ARHGAP32: variants seen among roughly 807,000 people sequenced by gnomAD.
ARHGAP32 encodes the protein Rho GTPase activating protein 32.
In ARHGAP32, 51 loss-of-function variants were observed where a neutral mutation model predicts 186.5. That is an observed-to-expected ratio of 0.27 (90% CI 0.22 to 0.35). The LOEUF (loss-of-function observed/expected upper bound fraction) is 0.35, where lower values mean the gene tolerates loss of function less well. ARHGAP32 is among the 10% of genes least tolerant of loss of function. The pLI is 1.00. For missense variants in ARHGAP32, 2,186 were observed against 2,623.5 expected (o/e 0.83, Z 3.64); for synonymous variants, 950 against 964.3 (o/e 0.99, Z 0.27).
At chr11:129,256,486 G>A (rs555047039) in intron 1 of ARHGAP32, among the ~76,000 whole-genome samples, 14 of 152,040 alleles carry the variant, frequency 9.2e-5, no homozygotes, top group African/African-American at 3.1e-4. Flanking sequence ...AGATGAAGCC[G>A]GGGACTTAAA....
At chr11:129,039,807 C>T (rs914443057) in intron 11 of ARHGAP32, among the ~76,000 whole-genome samples, 3 of 152,116 alleles carry the variant, frequency 2.0e-5, no homozygotes, top group African/African-American at 7.2e-5. Flanking sequence ...ATTTACCAAA[C>T]AAGTACCCAC....
chr11:129,248,374 AGT>A (rs1159356396), intron 1 of ARHGAP32, among the ~76,000 whole-genome samples: 1 of 152,178 alleles, frequency 6.6e-6, no homozygotes, highest in East Asian at 1.9e-4. Context: ...GATGCGATGC[AGT>A]GTTTTTATTT....
intron 6 of ARHGAP32, among the ~76,000 whole-genome samples, chr11:129,071,308 C>T (rs930764333): frequency 1.3e-5 from 2 of 151,612 alleles, no homozygotes; most frequent in African/African-American, 2.4e-5. Context: ...AAAAATACAT[C>T]TTATAAGGGG....
At chr11:129,097,590 T>A (rs976404589) in intron 5 of ARHGAP32, among the ~76,000 whole-genome samples, 9 of 151,898 alleles carry the variant, frequency 5.9e-5, no homozygotes, top group African/African-American at 1.9e-4. Flanking sequence ...ATTAGTTAAC[T>A]TAAAGATAAG....
intron 12 of ARHGAP32, among the ~76,000 whole-genome samples, chr11:128,996,638 A>T (rs1039047149): frequency 6.6e-6 from 1 of 152,214 alleles, no homozygotes; most frequent in African/African-American, 2.4e-5. Flanking sequence ...AGTATGTATT[A>T]TAAATAGCTC....
At chr11:128,972,074 T>C (rs1207512144) in intron 22 of ARHGAP32, 1 of 157,522 alleles carries the variant, frequency 6.3e-6, no homozygotes, top group East Asian at 1.9e-4. Flanking sequence ...GGTAAATGAC[T>C]TGCCCAAAGT....
intron 5 of ARHGAP32, among the ~76,000 whole-genome samples, chr11:129,115,381 G>A (rs1942338248): frequency 2.0e-5 from 3 of 152,196 alleles, no homozygotes; most frequent in Non-Finnish European, 4.4e-5. Context: ...GATTTACCAG[G>A]AAAAAGCTAG....
chr11:129,038,553 T>G (rs976921987), intron 11 of ARHGAP32, among the ~76,000 whole-genome samples: 6 of 151,874 alleles, frequency 4.0e-5, no homozygotes, highest in African/African-American at 1.5e-4. Flanking sequence ...ATCATTATTA[T>G]CTGGTAAAGA....
chr11:129,245,589 T>TA (rs1347503571), intron 1 of ARHGAP32, among the ~76,000 whole-genome samples: 2 of 148,828 alleles, frequency 1.3e-5, no homozygotes, highest in East Asian at 2.0e-4. Flanking sequence ...CCCTAAAACT[T>TA]AAAGTATAAT....
chr11:129,213,637 AAT>A (rs1028480551), intron 1 of ARHGAP32, among the ~76,000 whole-genome samples: 1 of 150,668 alleles, frequency 6.6e-6, no homozygotes, highest in African/African-American at 2.4e-5. Flanking sequence ...ATGTAATATA[AAT>A]AGACAAAACT....
chr11:129,248,631 T>C (rs1174029566), intron 1 of ARHGAP32, among the ~76,000 whole-genome samples: 1 of 152,208 alleles, frequency 6.6e-6, no homozygotes, highest in East Asian at 1.9e-4. Context: ...AGATAAATAA[T>C]ACATATAAAC....
rs904396214 is a variant in ARHGAP32, at chr11:128,969,292, T to C, written c.5921A>G (p.Glu1974Gly). The C allele has an allele frequency of 2.5e-6, 4 of 1,614,106 alleles. No individual in the cohort carries two copies. The South Asian group carries it at 4.4e-5, about 18-fold the overall frequency. ...RPWVRQPSAP[E>G]KHSRDCYKEE... ...CTTGTAGCAGTCTCTGGAGTGTTTC[T>C]CTGGGGCAGAAGGCTGCCTAACCCA... The change falls in exon 23 of 23, where the codon GAG (glutamate) becomes GGG (glycine). Residue 1974 changes from glutamate (E) to glycine (G), a missense_variant. Glu to Gly is a moderately conservative substitution (Grantham distance 98, BLOSUM62 -2). Coordinates refer to ENST00000682385, the MANE Select transcript of ARHGAP32 (RefSeq NM_001378024.1). This position sits in a 1 kb window ranked among gnomAD's most constrained non-coding sequence, Gnocchi z 4.8.
At chr11:129,024,262 C>T (rs963321708) in intron 11 of ARHGAP32, 2 of 669,524 alleles carry the variant, frequency 3.0e-6, no homozygotes, top group East Asian at 2.7e-4. Context: ...AGAGCTCCAC[C>T]CATCAACCCC....
At position 128,986,521 on chromosome 11, in the gene ARHGAP32, C is replaced by T; in HGVS notation, c.1443+3G>A. On this transcript the variant is annotated splice_donor_region_variant and intron_variant, in intron 14 of 22. Coordinates refer to ENST00000682385, the MANE Select transcript of ARHGAP32 (RefSeq NM_001378024.1). ...ATTAGATTCAAAAGTAGCCTGTACT[C>T]ACAGAAAATTTCTCATACAGCTGGT... The T allele has an allele frequency of 6.2e-7, 1 of 1,613,962 alleles. No homozygotes were observed. The highest frequency in any genetic ancestry group is 1.1e-5 in the South Asian group (1 of 91,056).
intron 1 of ARHGAP32, among the ~76,000 whole-genome samples, chr11:129,214,593 C>T (rs1411065284): frequency 6.6e-6 from 1 of 152,158 alleles, no homozygotes; most frequent in Non-Finnish European, 1.5e-5. Flanking sequence ...TTGTTGCCTT[C>T]ACTCTGCTCT....
At chr11:129,062,161 C>T (rs1389578778) in intron 10 of ARHGAP32, 119 bp downstream of exon 10, 4 of 762,750 alleles carry the variant, frequency 5.2e-6, no homozygotes, top group Admixed American at 2.2e-5. Context: ...CATTTTCTAT[C>T]GTTGCAGACA....
intron 15 of ARHGAP32, among the ~76,000 whole-genome samples, chr11:128,983,483 G>A (rs1001651364): frequency 2.6e-5 from 4 of 151,626 alleles, no homozygotes; most frequent in East Asian, 1.9e-4. Flanking sequence ...ATCACACACC[G>A]GGGCCTGTTG....
At chr11:129,147,062 G>A (rs1943181893) in intron 2 of ARHGAP32, among the ~76,000 whole-genome samples, 2 of 151,968 alleles carry the variant, frequency 1.3e-5, no homozygotes, top group South Asian at 4.1e-4. Flanking sequence ...CATTTATACT[G>A]TTTTCATCAT....
intron 10 of ARHGAP32, among the ~76,000 whole-genome samples, chr11:129,051,903 C>T (rs1349242759): frequency 3.0e-5 from 4 of 132,028 alleles, no homozygotes; most frequent in South Asian, 2.5e-4. Flanking sequence ...TGCAGTGAGC[C>T]GAGATTGGGC....
Sources: allele counts gnomAD v4.1 joint callset (sites outside exome capture counted in the v4.1 genomes callset), GRCh38; gene constraint gnomAD v4.1.1; non-coding constraint Gnocchi (gnomAD v3.1); transcripts MANE v1.5; gene names NCBI Gene and HGNC (gene_info 2026-07-23, HGNC 2026-07-21).